Variants in BRD7 observed in about 807,000 individuals in gnomAD.
The protein encoded by BRD7 is bromodomain-containing protein 7.
Under a neutral mutation model 82.1 loss-of-function variants are expected in BRD7, and 15 were observed. The ratio of observed to expected loss-of-function variants is 0.18; its 90% CI spans 0.12 to 0.28. The LOEUF (loss-of-function observed/expected upper bound fraction) is 0.28. Among genes scored for constraint, BRD7 ranks in the 10% least tolerant of loss-of-function variants. The pLI, the probability that BRD7 is intolerant of heterozygous loss-of-function variation, is 1.00. For synonymous variants in BRD7, 232 were observed against 266.9 expected (o/e 0.87, Z 1.27); for missense variants, 638 against 779.9 (o/e 0.82, Z 2.17).
chr16:50,364,712 T>C (rs897180893), intron 2 of BRD7, among the ~76,000 whole-genome samples: 1 of 152,228 alleles, frequency 6.6e-6, no homozygotes, highest in Admixed American at 6.5e-5. Context: ...TACACAAGTG[T>C]ACAAAGATGT....
intron 8 of BRD7, 25 bp downstream of exon 8, chr16:50,333,549 A>G (rs766953914): frequency 8.1e-6 from 13 of 1,601,458 alleles, no homozygotes; most frequent in Non-Finnish European, 5.9e-6. Flanking sequence ...GTAGGTAGAG[A>G]AAAGAAAAGG....
rs1202106556 is a variant in BRD7 at position 50,320,297 on chromosome 16, A to C, written c.1707T>G (p.Pro569=). ...AQNERLSTRP[P]PNMICLLGPS... ...GACCCAAGAGACAGATCATGTTCGGAGGGGGTCTGGTGCTCAAACGTTCAT... is the reference window on the plus strand; with the variant it reads ...GACCCAAGAGACAGATCATGTTCGGCGGGGGTCTGGTGCTCAAACGTTCAT... Residue 569 remains proline (P), a synonymous_variant, in exon 15 of 17, where the codon CCT becomes CCG. Transcript: ENST00000394688. 3 of 1,613,962 alleles carry C rather than the reference A, an allele frequency of 1.9e-6. No homozygotes were observed. Among genetic ancestry groups the C allele is most frequent in the Middle Eastern group, 1.6e-4 (1 of 6,084 alleles).
chr16:50,355,447 T>G (rs934410143), intron 2 of BRD7, among the ~76,000 whole-genome samples: 2 of 152,250 alleles, frequency 1.3e-5, no homozygotes, highest in Admixed American at 6.5e-5. Context: ...AGTAAGATGA[T>G]ACGTCTTACC....
chr16:50,324,636 G>A (rs2037260363), intron 11 of BRD7, among the ~76,000 whole-genome samples: 1 of 152,196 alleles, frequency 6.6e-6, no homozygotes, highest in African/African-American at 2.4e-5. Flanking sequence ...AGCCTTGCTT[G>A]CTTCCTCACC....
At position 50,320,400 on chromosome 16, in the gene BRD7, TA is replaced by T. The variant is rs1290034632; in HGVS notation, c.1613-10del. On this transcript the variant is annotated splice_polypyrimidine_tract_variant and intron_variant, in intron 14 of 16. Coordinates refer to ENST00000394688, the MANE Select transcript of BRD7 (RefSeq NM_013263.5). ...CTGGAATATTTCAGCTTCTGTGTGG[TA>T]AGAAAACAGACACACTTCTGTTTGA... The T allele has an allele frequency of 6.2e-7, 1 of 1,611,988 alleles. No individual in the cohort carries two copies. The highest frequency in any genetic ancestry group is 1.3e-5 in the African/African-American group (1 of 74,730).
At chr16:50,331,483 C>T (rs746730364) in intron 8 of BRD7, among the ~76,000 whole-genome samples, 5 of 152,218 alleles carry the variant, frequency 3.3e-5, no homozygotes, top group Non-Finnish European at 7.3e-5. Context: ...GGGTGGATTG[C>T]TTGAGTTCAG....
chr16:50,332,557 C>A (rs1444859301), intron 8 of BRD7, among the ~76,000 whole-genome samples: 1 of 152,176 alleles, frequency 6.6e-6, no homozygotes, highest in Non-Finnish European at 1.5e-5. Context: ...TAAATTAGTT[C>A]AGCTCCTGTG....
chr16:50,334,654 T>TC, intron 7 of BRD7, 57 bp downstream of exon 7: 1 of 1,574,032 alleles, frequency 6.4e-7, no homozygotes, highest in South Asian at 1.1e-5. Flanking sequence ...TAAGTATTTT[T>TC]CCCCCTTACT....
In BRD7 at chr16:50,322,019, C is replaced by A. The variant is rs1393455168; in HGVS notation, c.1463G>T (p.Gly488Val). The A allele has an allele frequency of 1.2e-6, 2 of 1,610,738 alleles. No homozygotes were observed. The highest frequency in any genetic ancestry group is 1.7e-6 in the Non-Finnish European group (2 of 1,179,370). ...TGCTGTGTCAAGTGTCCTAGTATGG[C>A]CTTCATCTTCAGGCAATGACTATAA... Reference protein sequence around the residue: ...EMEMSLPEDEGHTRTLDTAKE... With the variant: ...EMEMSLPEDEVHTRTLDTAKE... The change falls in exon 13 of 17, where the codon GGC becomes GTC. Residue 488 changes from glycine to valine, a missense_variant. Physicochemically the swap from Gly to Val is moderately radical, Grantham distance 109. Transcript: ENST00000394688.
rs1174714197 is a variant in BRD7, at chr16:50,320,173, G to GTA, written c.1756+74_1756+75insTA. The stretch of plus-strand genomic sequence containing the variant: ...TTCACATCAGCATTACTCTATAGTG[G>GTA]CATCACCACTGTACTCAAGAAGTTT... On this transcript the variant is annotated intron_variant, in intron 15 of 16. Transcript: ENST00000394688. 6.5e-6 allele frequency: 10 copies of GTA among 1,546,796 alleles called. No homozygotes were observed. The East Asian group carries it at 1.6e-4, about 24-fold the overall frequency.
At chr16:50,350,334 A>G (rs932383223) in intron 4 of BRD7, among the ~76,000 whole-genome samples, 167 bp from the exon 5 acceptor site, 1 of 152,226 alleles carries the variant, frequency 6.6e-6, no homozygotes, top group African/African-American at 2.4e-5. Context: ...TCTATTAAGT[A>G]TTTCATAACA....
At chr16:50,336,156 CTATT>C (rs1411146986) in intron 6 of BRD7, among the ~76,000 whole-genome samples, 1 of 152,074 alleles carries the variant, frequency 6.6e-6, no homozygotes, top group Non-Finnish European at 1.5e-5. Context: ...ATTTTAATAA[CTATT>C]TAATCCCACG....
intron 2 of BRD7, among the ~76,000 whole-genome samples, chr16:50,358,108 T>G (rs562689011): frequency 7.9e-5 from 12 of 152,352 alleles, no homozygotes; most frequent in African/African-American, 2.9e-4. Flanking sequence ...TGTGTTGTAG[T>G]ATGAAAACCA....
rs1203752358 is a variant in BRD7 at position 50,320,118 on chromosome 16, GAAAAC to G, written c.1757-93_1757-89del. On this transcript the variant is annotated intron_variant, in intron 15 of 16. Coordinates refer to ENST00000394688, the MANE Select transcript of BRD7 (RefSeq NM_013263.5). Reference sequence around the variant, plus strand: ...AGAACAGTAAATGTACACATGCAAAGAAAACAAAACAAAAAAACTGTCCCTGGGAT... The same window carrying G: ...AGAACAGTAAATGTACACATGCAAAGAAAACAAAAAAACTGTCCCTGGGAT... 1.2e-5 allele frequency: 18 copies of G among 1,502,118 alleles called. No individual in the cohort carries two copies. The Middle Eastern group carries it at 7.1e-4, about 60-fold the overall frequency. The allele number at this position is 1,502,118 out of a possible 1,614,324, so 93.0% of individuals were successfully genotyped here. A position where few individuals can be genotyped will look rare whatever the true frequency, so the allele number is the denominator to read the frequency against.
intron 5 of BRD7, 154 bp downstream of exon 5, chr16:50,349,869 G>T: frequency 4.7e-6 from 3 of 637,720 alleles, no homozygotes; most frequent in Non-Finnish European, 7.5e-6. Flanking sequence ...CCATCACCAA[G>T]CTCATAAAGT....
chr16:50,357,958 C>A (rs535144444), intron 2 of BRD7, among the ~76,000 whole-genome samples: 3 of 151,938 alleles, frequency 2.0e-5, no homozygotes, highest in African/African-American at 7.3e-5. Context: ...CCAGCCTGGG[C>A]GACAGAACAA....
At chr16:50,337,512 A>C (rs899279949) in intron 6 of BRD7, among the ~76,000 whole-genome samples, 1 of 151,960 alleles carries the variant, frequency 6.6e-6, no homozygotes, top group African/African-American at 2.4e-5. Flanking sequence ...CGCCCACCTC[A>C]GCCTCCCAAA....
intron 4 of BRD7, among the ~76,000 whole-genome samples, chr16:50,353,591 T>TTATG: frequency 6.6e-6 from 1 of 151,610 alleles, no homozygotes. Flanking sequence ...TATATTTTAT[T>TTATG]TATTTATTTA....
intron 6 of BRD7, among the ~76,000 whole-genome samples, chr16:50,337,806 T>C (rs2037875390): frequency 6.6e-6 from 1 of 151,766 alleles, no homozygotes; most frequent in South Asian, 2.1e-4. Context: ...CCCTCCCCTG[T>C]AGGGTGGAGA....
Sources: allele counts gnomAD v4.1 joint callset (sites outside exome capture counted in the v4.1 genomes callset), GRCh38; gene constraint gnomAD v4.1.1; transcripts MANE v1.5; gene names NCBI Gene and HGNC (gene_info 2026-07-23, HGNC 2026-07-21).